Variants in PDLIM5 observed in about 807,000 individuals in gnomAD.
PDLIM5 encodes PDZ and LIM domain 5, also known as PDZ and LIM domain protein 5.
Under a neutral mutation model 64.2 loss-of-function variants are expected in PDLIM5, and 34 were observed. That is an observed-to-expected ratio of 0.53 (90% CI 0.40 to 0.71). The LOEUF (loss-of-function observed/expected upper bound fraction) is 0.71. PDLIM5 is among the 30% of genes least tolerant of loss of function. The pLI is 0.00. For missense variants in PDLIM5, 683 were observed against 733.6 expected (o/e 0.93, Z 0.80); for synonymous variants, 253 against 269.1 (o/e 0.94, Z 0.59).
intron 3 of PDLIM5, among the ~76,000 whole-genome samples, chr4:94,567,215 G>C (rs181169644): frequency 1.1e-3 from 171 of 152,230 alleles, no homozygotes; most frequent in African/African-American, 3.9e-3. Flanking sequence ...GGATGATCTC[G>C]ATCTCCTGAC....
intron 3 of PDLIM5, among the ~76,000 whole-genome samples, chr4:94,543,869 A>G (rs545541372): frequency 6.7e-6 from 1 of 148,566 alleles, no homozygotes; most frequent in African/African-American, 2.5e-5. Flanking sequence ...ATGGACACTT[A>G]GGTTGATTCC....
At chr4:94,558,224 T>G (rs1358113540) in intron 3 of PDLIM5, among the ~76,000 whole-genome samples, 2 of 152,342 alleles carry the variant, frequency 1.3e-5, no homozygotes, top group Non-Finnish European at 2.9e-5. Flanking sequence ...GATTTGCGTA[T>G]GTTGAACCAG....
chr4:94,462,568 A>ATG (rs1560631083), intron 2 of PDLIM5, among the ~76,000 whole-genome samples: 1 of 152,096 alleles, frequency 6.6e-6, no homozygotes, highest in African/African-American at 2.4e-5. Context: ...GTATATATAT[A>ATG]TGTGTAGACA....
intron 5 of PDLIM5, 69 bp downstream of exon 5, chr4:94,576,103 A>G (rs910673492): frequency 1.5e-6 from 2 of 1,367,898 alleles, no homozygotes; most frequent in Admixed American, 2.0e-5. Flanking sequence ...GAAATACTCT[A>G]CATTCCTCTC....
chr4:94,587,448 G>A (rs568130536), intron 7 of PDLIM5: 3 of 954,680 alleles, frequency 3.1e-6, no homozygotes, highest in Admixed American at 6.0e-5. Context: ...TAAAGTCCTT[G>A]TCTAATTTGG....
rs57625095 is a variant in PDLIM5, at chr4:94,527,046, C to CTTTTTTT, written c.248+3193_248+3199dup. Among the ~76,000 whole-genome samples, 138 of 57,810 alleles carry CTTTTTTT rather than the reference C, an allele frequency of 2.4e-3. 18 individuals are homozygous for CTTTTTTT. The highest frequency in any genetic ancestry group is 4.3e-3 in the East Asian group (7 of 1,632). 37.9% of individuals were successfully genotyped at this position (57,810 alleles called of 152,430 possible). ...CATTGCGCCCGGCCTGAACAGCATT[C>CTTTTTTT]TTTTTTTTTTTTTTTTTTTTTTTTT... On this transcript the variant is annotated intron_variant, in intron 3 of 12. Coordinates refer to ENST00000317968, the MANE Select transcript of PDLIM5 (RefSeq NM_006457.5).
chr4:94,453,988 T>C (rs1034631435), intron 1 of PDLIM5, among the ~76,000 whole-genome samples: 1 of 152,212 alleles, frequency 6.6e-6, no homozygotes, highest in African/African-American at 2.4e-5. Context: ...CTTATTTGAA[T>C]GTTTTGCCCC....
chr4:94,564,213 T>C (rs772590729), intron 3 of PDLIM5, among the ~76,000 whole-genome samples: 2 of 152,048 alleles, frequency 1.3e-5, no homozygotes, highest in African/African-American at 2.4e-5. Flanking sequence ...CCACCCCCCT[T>C]GGCCTCCCAA....
chr4:94,497,438 A>G (rs1727498312), intron 2 of PDLIM5, among the ~76,000 whole-genome samples: 1 of 152,196 alleles, frequency 6.6e-6, no homozygotes, highest in Non-Finnish European at 1.5e-5. Context: ...AGAAGTAAAA[A>G]GTAGAGGAAG....
intron 3 of PDLIM5, among the ~76,000 whole-genome samples, chr4:94,567,572 G>A (rs1186219169): frequency 1.3e-5 from 2 of 151,494 alleles, no homozygotes; most frequent in South Asian, 2.1e-4. Context: ...TAGAGTTTTG[G>A]TAGAAAATAA....
chr4:94,457,781 G>A (rs528490464), intron 2 of PDLIM5, among the ~76,000 whole-genome samples: 2 of 152,320 alleles, frequency 1.3e-5, no homozygotes, highest in East Asian at 3.9e-4. Flanking sequence ...ATACATATGT[G>A]CCCTCCCCTG....
At chr4:94,595,265 A>G (rs1197931520) in intron 7 of PDLIM5, among the ~76,000 whole-genome samples, 1 of 152,222 alleles carries the variant, frequency 6.6e-6, no homozygotes, top group African/African-American at 2.4e-5. Flanking sequence ...ATCAATGGTT[A>G]AGAATTATAA....
At chr4:94,540,282 T>A (rs1437121340) in intron 3 of PDLIM5, among the ~76,000 whole-genome samples, 1 of 152,094 alleles carries the variant, frequency 6.6e-6, no homozygotes, top group East Asian at 1.9e-4. Flanking sequence ...CATGCCCGGC[T>A]AATTTTTTTG....
chr4:94,513,964 C>T (rs1352688313), intron 2 of PDLIM5, among the ~76,000 whole-genome samples: 1 of 152,054 alleles, frequency 6.6e-6, no homozygotes, highest in Non-Finnish European at 1.5e-5. Flanking sequence ...GCTTTTTCAG[C>T]ATCAATTGAA....
intron 3 of PDLIM5, 118 bp from the exon 4 acceptor site, chr4:94,573,233 C>T (rs529548675): frequency 1.4e-5 from 10 of 710,404 alleles, no homozygotes; most frequent in Non-Finnish European, 2.3e-5. Flanking sequence ...TGAAACGATA[C>T]ATTCCAGTGA....
chr4:94,546,769 TA>T (rs1422355168), intron 3 of PDLIM5, among the ~76,000 whole-genome samples: 23 of 152,126 alleles, frequency 1.5e-4, no homozygotes, highest in Admixed American at 1.5e-3. Flanking sequence ...ACGTTAGTGT[TA>T]TATATATTAC....
chr4:94,581,688 A>G (rs1735744326), intron 5 of PDLIM5, among the ~76,000 whole-genome samples: 1 of 152,194 alleles, frequency 6.6e-6, no homozygotes, highest in Non-Finnish European at 1.5e-5. Flanking sequence ...TTTATAATGA[A>G]TTGTTACTTA....
rs143737745 is a variant in PDLIM5 at position 94,570,724 on chromosome 4, A to G, written c.249-2627A>G. Among the ~76,000 whole-genome samples the G allele has an allele frequency of 9.5e-3, 1,444 of 152,264 alleles. 27 individuals are homozygous for G. Among genetic ancestry groups the G allele is most frequent in the African/African-American group, 0.033 (1,381 of 41,546 alleles). On this transcript the variant is annotated intron_variant, in intron 3 of 12. Transcript: ENST00000317968. Reference sequence around the variant, plus strand: ...GTTGCTTTGTTATTACAGATTGACAACTTTGCAATTAAAGTGATTAATGAT... The same window carrying G: ...GTTGCTTTGTTATTACAGATTGACAGCTTTGCAATTAAAGTGATTAATGAT...
chr4:94,508,029 G>C (rs532478591), intron 2 of PDLIM5, among the ~76,000 whole-genome samples: 36 of 152,276 alleles, frequency 2.4e-4, no homozygotes, highest in Admixed American at 5.2e-4. Context: ...CAGAGCACAG[G>C]AACACATGGT....
Sources: allele counts gnomAD v4.1 joint callset (sites outside exome capture counted in the v4.1 genomes callset), GRCh38; gene constraint gnomAD v4.1.1; transcripts MANE v1.5; gene names NCBI Gene and HGNC (gene_info 2026-07-23, HGNC 2026-07-21).